The following DPP10 variants were observed in gnomAD, a reference collection of about 807,000 sequenced individuals.
DPP10 encodes dipeptidyl peptidase like 10.
Under a neutral mutation model 120.9 loss-of-function variants are expected in DPP10, and 33 were observed. The observed-to-expected ratio is 0.27, with a 90% CI of 0.21 to 0.37. DPP10 has a LOEUF of 0.37. Among genes scored for constraint, DPP10 ranks in the 10% least tolerant of loss-of-function variants. The pLI, the probability that DPP10 is intolerant of heterozygous loss-of-function variation, is 1.00. For synonymous variants in DPP10, 337 were observed against 326.1 expected, an observed-to-expected ratio of 1.03 and a Z score of -0.36; for missense variants, 816 against 942.8, an observed-to-expected ratio of 0.87 and a Z score of 1.76.
At chr2:114,968,300 C>T (rs529526003) in intron 1 of DPP10, among the ~76,000 whole-genome samples, 1 of 152,246 alleles carries the variant, frequency 6.6e-6, no homozygotes, top group South Asian at 2.1e-4. Flanking sequence ...AAGCTGAGAC[C>T]TGTTCTCATT....
At chr2:115,200,873 C>T (rs749201659) in intron 1 of DPP10, among the ~76,000 whole-genome samples, 42 of 152,050 alleles carry the variant, frequency 2.8e-4, no homozygotes, top group South Asian at 2.1e-4. Flanking sequence ...ATTTGCAGTT[C>T]CTGAAGACTT....
intron 3 of DPP10, among the ~76,000 whole-genome samples, chr2:115,361,461 A>G (rs1487362353): frequency 4.6e-5 from 7 of 152,022 alleles, no homozygotes; most frequent in African/African-American, 9.7e-5. Flanking sequence ...AGGGTGGTCA[A>G]TGGACAAGGG....
intron 5 of DPP10, among the ~76,000 whole-genome samples, chr2:115,568,633 G>A (rs2081163354): frequency 1.3e-5 from 2 of 149,022 alleles, no homozygotes; most frequent in East Asian, 2.0e-4. Flanking sequence ...TTTCTATCGC[G>A]TACTTGGTCG....
intron 1 of DPP10, chr2:114,834,153 ACC>A: frequency 1.4e-5 from 2 of 139,410 alleles, no homozygotes; most frequent in Non-Finnish European, 3.3e-5. Context: ...ATATCTACGC[ACC>A]TATGTATATA....
intron 19 of DPP10, among the ~76,000 whole-genome samples, chr2:115,804,783 C>G (rs1685717055): frequency 6.6e-6 from 1 of 152,276 alleles, no homozygotes; most frequent in Non-Finnish European, 1.5e-5. Context: ...CCTGATTGTT[C>G]CTCTGGAAGT....
chr2:114,739,421 G>A (rs1374189461), intron 1 of DPP10, among the ~76,000 whole-genome samples: 1 of 152,118 alleles, frequency 6.6e-6, no homozygotes, highest in Admixed American at 6.5e-5. Flanking sequence ...CACTGTGGGA[G>A]GCCAAGATGG....
At chr2:115,800,752 A>G (rs3980835) in intron 19 of DPP10, among the ~76,000 whole-genome samples, 5 of 151,882 alleles carry the variant, frequency 3.3e-5, no homozygotes, top group African/African-American at 1.2e-4. Flanking sequence ...TTGTAGATAT[A>G]CGGCATTATT....
intron 1 of DPP10, among the ~76,000 whole-genome samples, chr2:114,973,378 T>C (rs1442934162): frequency 2.0e-5 from 3 of 151,344 alleles, no homozygotes; most frequent in Non-Finnish European, 4.4e-5. Context: ...AAGTTAACTG[T>C]AGGCCGGGCA....
At chr2:114,874,037 C>A (rs929685406) in intron 1 of DPP10, among the ~76,000 whole-genome samples, 2 of 152,158 alleles carry the variant, frequency 1.3e-5, no homozygotes, top group Non-Finnish European at 2.9e-5. Context: ...CAAAGACAAA[C>A]TGGAATTATG....
intron 1 of DPP10, among the ~76,000 whole-genome samples, chr2:115,170,538 T>A (rs2053240052): frequency 6.6e-6 from 1 of 152,192 alleles, no homozygotes; most frequent in South Asian, 2.1e-4. Flanking sequence ...ATGAATAGAT[T>A]TTCTATCTAC....
intron 1 of DPP10, among the ~76,000 whole-genome samples, chr2:114,465,362 G>A (rs1679273476): frequency 6.6e-6 from 1 of 152,062 alleles, no homozygotes; most frequent in Admixed American, 6.6e-5. Context: ...ATTTTTCCCA[G>A]TGGAACTCTT....
At chr2:115,264,101 T>C (rs2059363789) in intron 1 of DPP10, among the ~76,000 whole-genome samples, 2 of 152,194 alleles carry the variant, frequency 1.3e-5, no homozygotes. Context: ...ACTTAAACTT[T>C]TGAGGCTTTT....
chr2:115,671,845 T>C (rs943827456), intron 5 of DPP10, among the ~76,000 whole-genome samples: 1 of 152,168 alleles, frequency 6.6e-6, no homozygotes, highest in Non-Finnish European at 1.5e-5. Context: ...TTGTGAGAAT[T>C]TTTATTCAGC....
chr2:115,566,387 A>G (rs1303596674), intron 5 of DPP10, among the ~76,000 whole-genome samples: 4 of 152,092 alleles, frequency 2.6e-5, no homozygotes, highest in Non-Finnish European at 4.4e-5. Flanking sequence ...CTAATTAATT[A>G]CTGTAACAAA....
chr2:114,555,069 A>G (rs775002730), intron 1 of DPP10, among the ~76,000 whole-genome samples: 6 of 152,152 alleles, frequency 3.9e-5, no homozygotes, highest in Admixed American at 6.5e-5. Context: ...ATGTTATCCT[A>G]TTTCCTGGGA....
chr2:114,453,830 C>T (rs1010360760), intron 1 of DPP10, among the ~76,000 whole-genome samples: 4 of 152,116 alleles, frequency 2.6e-5, no homozygotes, highest in Admixed American at 2.0e-4. Flanking sequence ...ATTGTGTGTT[C>T]TGATATTTTG....
intron 1 of DPP10, among the ~76,000 whole-genome samples, chr2:115,307,489 G>A (rs1293874252): frequency 1.3e-5 from 2 of 152,064 alleles, no homozygotes; most frequent in African/African-American, 2.4e-5. Flanking sequence ...TTCTGTTAGA[G>A]TTAATAAATA....
At chr2:114,706,154 A>G (rs983896662) in intron 1 of DPP10, among the ~76,000 whole-genome samples, 1 of 152,190 alleles carries the variant, frequency 6.6e-6, no homozygotes, top group Non-Finnish European at 1.5e-5. Flanking sequence ...CTGCCTGGCC[A>G]TATCTTTTGA....
At chr2:115,277,020 T>C (rs1192828560) in intron 1 of DPP10, among the ~76,000 whole-genome samples, 1 of 152,206 alleles carries the variant, frequency 6.6e-6, no homozygotes, top group Non-Finnish European at 1.5e-5. Flanking sequence ...AAAGAGGTTC[T>C]AAAATGAAAT....
Sources: gnomAD v4.1 joint callset for allele counts (sites outside exome capture counted in the v4.1 genomes callset) on GRCh38, gnomAD v4.1.1 for gene constraint, MANE v1.5 for transcripts, NCBI Gene and HGNC (gene_info 2026-07-23, HGNC 2026-07-21) for gene names.